The following SCML4 variants were observed in gnomAD, a reference collection of about 807,000 sequenced individuals.
The protein encoded by SCML4 is sex comb on midleg-like protein 4.
SCML4 carries 34 observed loss-of-function variants against 41.1 expected under a neutral mutation model. That is an observed-to-expected ratio of 0.83 (90% CI 0.63 to 1.10). The LOEUF (loss-of-function observed/expected upper bound fraction) is 1.10. Ranked by LOEUF, SCML4 falls within the 50% of genes least tolerant of loss-of-function variation. The probability of loss-of-function intolerance (pLI) is 0.00; values close to 1 mark genes in which losing one functional copy is unlikely to be tolerated. For missense variants in SCML4, 522 were observed against 534.1 expected (o/e 0.98, Z 0.22); for synonymous variants, 214 against 220.9 (o/e 0.97, Z 0.28).
In SCML4 at chr6:107,807,655, G is replaced by A. The variant is rs113712152; in HGVS notation, c.-60+16471C>T. Among the ~76,000 whole-genome samples, 614 of 152,312 alleles carry A rather than the reference G, an allele frequency of 4.0e-3. 1 individual carries two copies. The highest frequency in any genetic ancestry group is 0.012 in the African/African-American group (488 of 41,570). On this transcript the variant is annotated intron_variant, in intron 1 of 7. Transcript: ENST00000369020. ...GTCATATTTATTAGCACAATTCCCT[G>A]TAGGACACTGGTAGAAATATCTAAA...
chr6:107,747,196 T>C (rs373257398), intron 3 of SCML4, among the ~76,000 whole-genome samples: 9 of 152,334 alleles, frequency 5.9e-5, no homozygotes, highest in East Asian at 5.8e-4. Context: ...ATGGACCGTG[T>C]GTAAAAAGGT....
intron 2 of SCML4, among the ~76,000 whole-genome samples, chr6:107,750,790 G>C (rs886834686): frequency 6.6e-6 from 1 of 152,178 alleles, no homozygotes; most frequent in Non-Finnish European, 1.5e-5. Flanking sequence ...TCTGGTCTGG[G>C]ACAGGAGATT....
intron 5 of SCML4, among the ~76,000 whole-genome samples, chr6:107,733,786 C>T (rs1357573753): frequency 2.0e-5 from 3 of 152,182 alleles, no homozygotes; most frequent in Admixed American, 1.3e-4. Context: ...ACTTGGTTTC[C>T]AACCCCTTGG....
intron 2 of SCML4, among the ~76,000 whole-genome samples, chr6:107,768,180 G>T (rs2114560924): frequency 6.6e-6 from 1 of 152,140 alleles, no homozygotes; most frequent in Non-Finnish European, 1.5e-5. Context: ...GCTTGACCTG[G>T]GAAGTCAAGG....
At position 107,745,128 on chromosome 6, in the gene SCML4, T is replaced by G; in HGVS notation, c.503A>C (p.Asp168Ala). 6.3e-7 allele frequency: 1 copy of G among 1,583,352 alleles called. No homozygotes were observed. The highest frequency in any genetic ancestry group is 8.6e-7 in the Non-Finnish European group (1 of 1,164,122). The stretch of plus-strand genomic sequence containing the variant: ...CAGGCTCCGCAGGTGCTGTTTGCCA[T>G]CAAAGGAAGCCGAGACTGGAAAACC... ...GEMVSVSASF[D>A]GKQHLRSLPV... is the part of the protein sequence containing the mutation. Residue 168 changes from aspartate to alanine, a missense_variant, in exon 5 of 8, where the codon GAT (aspartate) becomes GCT (alanine). Coordinates refer to ENST00000369020, the MANE Select transcript of SCML4 (RefSeq NM_198081.5).
the SCML4 span, among the ~76,000 whole-genome samples, chr6:107,836,643 G>A: frequency 1.3e-5 from 2 of 152,116 alleles, no homozygotes; most frequent in Non-Finnish European, 2.9e-5. Flanking sequence ...TTATTTTCCA[G>A]GCAGCTGTGG....
intron 2 of SCML4, among the ~76,000 whole-genome samples, chr6:107,771,598 C>G (rs1174882179): frequency 6.6e-6 from 1 of 152,164 alleles, no homozygotes; most frequent in Non-Finnish European, 1.5e-5. Context: ...GCCTGATATG[C>G]CTCCTTGTAG....
upstream of SCML4, among the ~76,000 whole-genome samples, chr6:107,828,299 T>C (rs1056016172): frequency 3.3e-5 from 5 of 152,190 alleles, no homozygotes; most frequent in Middle Eastern, 3.2e-3. Flanking sequence ...ATCATTGACT[T>C]TCTATAACAC....
chr6:107,749,135 T>C (rs1430940377), intron 3 of SCML4, among the ~76,000 whole-genome samples: 2 of 152,046 alleles, frequency 1.3e-5, no homozygotes, highest in Non-Finnish European at 2.9e-5. Flanking sequence ...TGTGTGTGTG[T>C]GCATGTGCGT....
the SCML4 span, among the ~76,000 whole-genome samples, chr6:107,832,017 C>G: frequency 6.7e-6 from 1 of 149,250 alleles, no homozygotes; most frequent in African/African-American, 2.5e-5. Flanking sequence ...GAGCCGAGAT[C>G]GAGCCACTGC....
intron 6 of SCML4, among the ~76,000 whole-genome samples, chr6:107,714,520 T>A (rs1039568509): frequency 1.3e-5 from 2 of 152,158 alleles, no homozygotes; most frequent in African/African-American, 2.4e-5. Context: ...TGTAATGAAA[T>A]TAGTGTAATA....
At chr6:107,741,639 C>T (rs1204926387) in intron 5 of SCML4, among the ~76,000 whole-genome samples, 1 of 152,214 alleles carries the variant, frequency 6.6e-6, no homozygotes, top group Non-Finnish European at 1.5e-5. Flanking sequence ...GGCACAAGCC[C>T]CTAGCCAGCC....
chr6:107,735,758 C>T (rs1777005153), intron 5 of SCML4, among the ~76,000 whole-genome samples: 1 of 150,930 alleles, frequency 6.6e-6, no homozygotes, highest in Admixed American at 6.6e-5. Flanking sequence ...GAGATCACGC[C>T]ACTGCACTCC....
At chr6:107,845,207 GC>G in the SCML4 span, among the ~76,000 whole-genome samples, 1 of 152,250 alleles carries the variant, frequency 6.6e-6, no homozygotes, top group South Asian at 2.1e-4. Flanking sequence ...CTGCACTCCA[GC>G]CCGGGCGACA....
At chr6:107,803,137 C>T (rs541978503) in intron 1 of SCML4, among the ~76,000 whole-genome samples, 395 of 148,172 alleles carry the variant, frequency 2.7e-3, no homozygotes, top group African/African-American at 9.8e-3. Flanking sequence ...AGCAAAGTGC[C>T]GAGATTGCGC....
the SCML4 span, among the ~76,000 whole-genome samples, chr6:107,837,216 G>A: frequency 6.6e-6 from 1 of 152,306 alleles, no homozygotes; most frequent in South Asian, 2.1e-4. Context: ...GATCTGCATT[G>A]AGAGGCAATG....
chr6:107,845,179 T>C, the SCML4 span, among the ~76,000 whole-genome samples: 3 of 151,958 alleles, frequency 2.0e-5, no homozygotes, highest in African/African-American at 7.3e-5. Flanking sequence ...GAGGTTGCAA[T>C]GAGCCAAGAA....
rs564824338 is a variant in SCML4, at chr6:107,766,333, A to G, written c.156+5839T>C. 2.7e-5 allele frequency among the ~76,000 whole-genome samples: 4 copies of G among 150,908 alleles called. No homozygotes were observed. In the East Asian group the frequency reaches 7.8e-4, roughly 29 times the overall value. On this transcript the variant is annotated intron_variant, in intron 2 of 7. Transcript: ENST00000369020. The stretch of plus-strand genomic sequence containing the variant: ...TGCAGTGAGCCGAAATTGCGCCACT[A>G]CAGTCCAGCCTGGGCAATAATGTGA...
chr6:107,754,228 C>T (rs1431548455), intron 2 of SCML4, among the ~76,000 whole-genome samples: 2 of 152,186 alleles, frequency 1.3e-5, no homozygotes, highest in East Asian at 1.9e-4. Flanking sequence ...ATAGAGATTT[C>T]GTCTTATTCT....
Sources: gnomAD v4.1 joint callset for allele counts (sites outside exome capture counted in the v4.1 genomes callset) on GRCh38, gnomAD v4.1.1 for gene constraint, MANE v1.5 for transcripts, NCBI Gene and HGNC (gene_info 2026-07-23, HGNC 2026-07-21) for gene names.